The following RGSL1 variants were observed in gnomAD, a reference collection of about 807,000 sequenced individuals.
The protein encoded by RGSL1 is regulator of G protein signaling protein-like.
A neutral mutation model predicts 124.7 loss-of-function variants in RGSL1; 97 were observed. That is an observed-to-expected ratio of 0.78 (90% CI 0.66 to 0.92). RGSL1 has a LOEUF of 0.92. Ranked by LOEUF, RGSL1 falls within the 40% of genes least tolerant of loss-of-function variation. The probability of loss-of-function intolerance (pLI) is 0.00; values close to 1 mark genes in which losing one functional copy is unlikely to be tolerated. For missense variants in RGSL1, 1,233 were observed against 1,288.4 expected, an observed-to-expected ratio of 0.96 and a Z score of 0.66; for synonymous variants, 424 against 438.1, an observed-to-expected ratio of 0.97 and a Z score of 0.40.
At position 182,474,343 on chromosome 1, in the gene RGSL1, G is replaced by C; in HGVS notation, c.1232G>C (p.Ser411Thr). The change falls in exon 6 of 22, where the codon AGT becomes ACT. Residue 411 changes from serine to threonine, a missense_variant. By Grantham distance (58) the Ser-to-Thr change is moderately conservative. Transcript: ENST00000294854. ...TGGCAGGACTTGCAGCATTTCCTCA[G>C]TGTCCTTCTGAATAACAAAAAGAAT... The part of the protein sequence containing the change: ...DLWQDLQHFL[S>T]VLLNNKKNGN... 3.2e-6 allele frequency: 5 copies of C among 1,551,826 alleles called. No homozygotes were observed. Among genetic ancestry groups the C allele is most frequent in the Non-Finnish European group, 4.4e-6 (5 of 1,147,002 alleles).
intron 12 of RGSL1, 103 bp downstream of exon 12, chr1:182,530,464 G>T: frequency 1.1e-6 from 1 of 894,668 alleles, no homozygotes; most frequent in Non-Finnish European, 1.7e-6. Context: ...ATAGCTCATT[G>T]CCAGAGCCTC....
chr1:182,552,626 C>A (rs888202298), intron 18 of RGSL1, among the ~76,000 whole-genome samples: 1 of 152,172 alleles, frequency 6.6e-6, no homozygotes, highest in Non-Finnish European at 1.5e-5. Flanking sequence ...CATGTCTCAG[C>A]CCATTTTGTG....
intron 8 of RGSL1, among the ~76,000 whole-genome samples, chr1:182,490,166 T>C (rs1176434402): frequency 6.6e-6 from 1 of 152,198 alleles, no homozygotes; most frequent in Non-Finnish European, 1.5e-5. Flanking sequence ...CATTTATTTT[T>C]TGGCATACTA....
chr1:182,458,274 A>C, intron 2 of RGSL1, 45 bp from the exon 3 acceptor site: 4 of 1,425,496 alleles, frequency 2.8e-6, no homozygotes, highest in Non-Finnish European at 2.9e-6. Context: ...ATATACATGA[A>C]GAGAAGCTCT....
intron 21 of RGSL1, among the ~76,000 whole-genome samples, chr1:182,557,563 G>A (rs1660932721): frequency 6.6e-6 from 1 of 152,148 alleles, no homozygotes; most frequent in South Asian, 2.1e-4. Context: ...CTGCATGTTG[G>A]CAATAGATGG....
chr1:182,505,995 C>T (rs1011239355), intron 9 of RGSL1, among the ~76,000 whole-genome samples: 3 of 152,096 alleles, frequency 2.0e-5, no homozygotes, highest in Admixed American at 2.0e-4. Flanking sequence ...TACCTTATTG[C>T]TCTTACTAGG....
At chr1:182,471,233 C>T (rs577340269) in intron 4 of RGSL1, 2 of 456,960 alleles carry the variant, frequency 4.4e-6, no homozygotes, top group Admixed American at 4.7e-5. Flanking sequence ...GGAGAGGGGT[C>T]AGGGGAAGAG....
At chr1:182,511,627 G>A (rs1234846203) in intron 9 of RGSL1, among the ~76,000 whole-genome samples, 2 of 152,142 alleles carry the variant, frequency 1.3e-5, no homozygotes, top group African/African-American at 4.8e-5. Flanking sequence ...CTGTTTCCAT[G>A]GTGCTGATTT....
chr1:182,546,605 G>T (rs1209407683), intron 15 of RGSL1, among the ~76,000 whole-genome samples: 1 of 152,124 alleles, frequency 6.6e-6, no homozygotes, highest in Admixed American at 6.5e-5. Flanking sequence ...TGTTGGCCAG[G>T]ATGGTCTCGA....
intron 6 of RGSL1, among the ~76,000 whole-genome samples, chr1:182,485,813 T>C (rs542316608): frequency 6.6e-6 from 1 of 152,026 alleles, no homozygotes; most frequent in Non-Finnish European, 1.5e-5. Context: ...TTCTTTATAG[T>C]AGGGAAAAAA....
At chr1:182,538,535 A>AG (rs1256319378) in intron 14 of RGSL1, among the ~76,000 whole-genome samples, 1 of 152,174 alleles carries the variant, frequency 6.6e-6, no homozygotes, top group African/African-American at 2.4e-5. Context: ...CTCAAAAAAA[A>AG]AAAAAATTCA....
chr1:182,474,481 A>G lies in RGSL1; in HGVS notation c.1370A>G (p.Glu457Gly). 6.4e-7 allele frequency: 1 copy of G among 1,551,712 alleles called. No homozygotes were observed. Among genetic ancestry groups the G allele is most frequent in the African/African-American group, 1.4e-5 (1 of 73,172 alleles). ...TCCCAAACCATTCAGGGCCTGAAGG[A>G]ACTATTGCCCTCTGGGGATGTGATC... ...LKSQTIQGLK[E>G]LLPSGDVIPW... The change falls in exon 6 of 22, where the codon GAA becomes GGA. Residue 457 changes from glutamate to glycine, a missense_variant. Transcript: ENST00000294854.
chr1:182,499,552 T>C (rs1656194973), intron 9 of RGSL1, among the ~76,000 whole-genome samples: 1 of 152,216 alleles, frequency 6.6e-6, no homozygotes, highest in African/African-American at 2.4e-5. Flanking sequence ...TCTCTTTACT[T>C]TGAGCCTGTG....
intron 17 of RGSL1, 118 bp downstream of exon 17, chr1:182,548,942 A>G (rs1039557796): frequency 2.3e-6 from 3 of 1,285,002 alleles, no homozygotes; most frequent in Admixed American, 2.7e-5. Flanking sequence ...AGGGGGAACT[A>G]AGATGGTGTT....
At chr1:182,529,810 A>G (rs1411855677) in intron 11 of RGSL1, among the ~76,000 whole-genome samples, 2 of 152,132 alleles carry the variant, frequency 1.3e-5, no homozygotes, top group Admixed American at 6.6e-5. Flanking sequence ...TTCAAGTCTC[A>G]TTAATGAACA....
intron 14 of RGSL1, among the ~76,000 whole-genome samples, chr1:182,538,805 A>G (rs1356434746): frequency 6.6e-6 from 1 of 152,208 alleles, no homozygotes; most frequent in African/African-American, 2.4e-5. Flanking sequence ...TTAGCAGGTC[A>G]GGGACCTAGT....
intron 9 of RGSL1, among the ~76,000 whole-genome samples, chr1:182,498,633 GT>G (rs1401669530): frequency 1.3e-5 from 2 of 152,096 alleles, no homozygotes; most frequent in Non-Finnish European, 2.9e-5. Context: ...TAATTGTATG[GT>G]TTTGAGTGAT....
At chr1:182,484,660 C>T (rs1558284959) in intron 6 of RGSL1, among the ~76,000 whole-genome samples, 1 of 152,204 alleles carries the variant, frequency 6.6e-6, no homozygotes, top group African/African-American at 2.4e-5. Flanking sequence ...CATTTCAGTT[C>T]AGGCCCCTAG....
At chr1:182,476,138 A>G (rs1169634902) in intron 6 of RGSL1, among the ~76,000 whole-genome samples, 1 of 152,188 alleles carries the variant, frequency 6.6e-6, no homozygotes, top group Non-Finnish European at 1.5e-5. Flanking sequence ...AGAATAGATC[A>G]GTCTAGTGGA....
Sources: allele counts gnomAD v4.1 joint callset (sites outside exome capture counted in the v4.1 genomes callset), GRCh38; gene constraint gnomAD v4.1.1; transcripts MANE v1.5; gene names NCBI Gene and HGNC (gene_info 2026-07-23, HGNC 2026-07-21).